MEI4: variants seen among roughly 807,000 people sequenced by gnomAD.
The protein encoded by MEI4 is meiosis-specific protein MEI4.
Under a neutral mutation model 31.4 loss-of-function variants are expected in MEI4, and 27 were observed. The observed-to-expected ratio is 0.86, with a 90% CI of 0.63 to 1.19. The LOEUF is 1.19. Among genes scored for constraint, MEI4 ranks in the 50% most tolerant of loss-of-function variants. The probability of loss-of-function intolerance (pLI) is 0.00; values close to 1 mark genes in which losing one functional copy is unlikely to be tolerated. For missense variants in MEI4, 329 were observed against 398.9 expected (o/e 0.82, Z 1.49); for synonymous variants, 122 against 145.4 (o/e 0.84, Z 1.16).
chr6:77,829,603 G>A (rs1191845733), intron 4 of MEI4, among the ~76,000 whole-genome samples: 1 of 152,100 alleles, frequency 6.6e-6, no homozygotes, highest in Non-Finnish European at 1.5e-5. Flanking sequence ...GAAGACCACT[G>A]CTCTAAGCCC....
chr6:77,894,245 TATG>T (rs35683542), intron 4 of MEI4, among the ~76,000 whole-genome samples: 21,497 of 152,088 alleles, frequency 0.14, 1,789 homozygotes, highest in East Asian at 0.39. Context: ...TTTTTAATAT[TATG>T]ATATTTCTTT....
At chr6:77,749,945 A>G (rs1255576842) in intron 2 of MEI4, among the ~76,000 whole-genome samples, 4 of 152,226 alleles carry the variant, frequency 2.6e-5, no homozygotes, top group Non-Finnish European at 4.4e-5. Context: ...ACAAGCCAGA[A>G]GAGAGTGGGG....
intron 4 of MEI4, among the ~76,000 whole-genome samples, chr6:77,858,113 C>G (rs1770784836): frequency 6.6e-6 from 1 of 152,096 alleles, no homozygotes; most frequent in African/African-American, 2.4e-5. Context: ...TAAAATTACA[C>G]AATAGTTTCA....
chr6:77,684,522 G>A (rs1204627893), intron 1 of MEI4, among the ~76,000 whole-genome samples: 1 of 151,762 alleles, frequency 6.6e-6, no homozygotes, highest in African/African-American at 2.4e-5. Context: ...GCAGCTTCTG[G>A]TAACCATCCT....
At chr6:77,693,758 T>G (rs1013544379) in intron 2 of MEI4, among the ~76,000 whole-genome samples, 1 of 152,096 alleles carries the variant, frequency 6.6e-6, no homozygotes, top group Non-Finnish European at 1.5e-5. Context: ...ATGGCAGTTA[T>G]GTAAGGATGA....
intron 2 of MEI4, among the ~76,000 whole-genome samples, chr6:77,731,214 C>G (rs866905636): frequency 3.4e-5 from 5 of 147,942 alleles, no homozygotes; most frequent in Admixed American, 6.8e-5. Flanking sequence ...CTGACTTCCA[C>G]AATGGTTGAA....
At chr6:77,754,284 AAAAC>A (rs949336438) in intron 2 of MEI4, among the ~76,000 whole-genome samples, 2 of 152,156 alleles carry the variant, frequency 1.3e-5, no homozygotes, top group Non-Finnish European at 2.9e-5. Flanking sequence ...AGTGAAGCTC[AAAAC>A]AAACAAACAA....
chr6:77,788,470 T>C lies in MEI4; in HGVS notation c.768+26805T>C, dbSNP rs531113032. ...AAAAGAGGAAGTCAGATTGTCCCTG[T>C]TTGCAGATTACTTGATTGTATATCT... On this transcript the variant is annotated intron_variant, in intron 3 of 4. Transcript: ENST00000684080. Among the ~76,000 whole-genome samples the C allele has an allele frequency of 3.9e-5, 6 of 152,294 alleles. No homozygotes were observed. In the South Asian group the frequency reaches 1.2e-3, roughly 32 times the overall value.
At chr6:77,891,502 C>G (rs1361011716) in intron 4 of MEI4, among the ~76,000 whole-genome samples, 2 of 152,048 alleles carry the variant, frequency 1.3e-5, no homozygotes, top group African/African-American at 4.8e-5. Context: ...GTCTGAATTT[C>G]TCTTTTAGAT....
intron 1 of MEI4, among the ~76,000 whole-genome samples, chr6:77,654,596 G>A (rs1213222873): frequency 2.7e-5 from 4 of 149,492 alleles, no homozygotes; most frequent in Non-Finnish European, 4.4e-5. Flanking sequence ...TACTACTACT[G>A]TTTATTTTTT....
At chr6:77,735,674 T>A (rs1040878321) in intron 2 of MEI4, among the ~76,000 whole-genome samples, 2 of 152,118 alleles carry the variant, frequency 1.3e-5, no homozygotes, top group African/African-American at 4.8e-5. Context: ...CCATTGCTGG[T>A]GAGGAGCTGC....
At chr6:77,661,011 G>C (rs1419327129) in intron 1 of MEI4, among the ~76,000 whole-genome samples, 2 of 152,190 alleles carry the variant, frequency 1.3e-5, no homozygotes, top group African/African-American at 2.4e-5. Context: ...AGGACTGGAA[G>C]ATAGTCGCCT....
At chr6:77,894,045 A>C (rs891379496) in intron 4 of MEI4, among the ~76,000 whole-genome samples, 1 of 152,158 alleles carries the variant, frequency 6.6e-6, no homozygotes, top group Non-Finnish European at 1.5e-5. Context: ...AGTGGAAAAA[A>C]ATTTCTCTAG....
chr6:77,685,281 AT>A (rs1769033375), intron 1 of MEI4, among the ~76,000 whole-genome samples: 1 of 133,666 alleles, frequency 7.5e-6, no homozygotes, highest in African/African-American at 2.8e-5. Flanking sequence ...GTTTGCAAAT[AT>A]TTATTTCCAT....
intron 4 of MEI4, among the ~76,000 whole-genome samples, chr6:77,846,087 A>C (rs960445882): frequency 1.3e-4 from 20 of 151,568 alleles, no homozygotes; most frequent in Admixed American, 9.9e-4. Flanking sequence ...ATAATTCTTG[A>C]GTTTATCTTC....
chr6:77,801,506 G>T (rs1180866412), intron 3 of MEI4, among the ~76,000 whole-genome samples: 6 of 151,840 alleles, frequency 4.0e-5, no homozygotes, highest in African/African-American at 9.7e-5. Flanking sequence ...GCTCTGATCT[G>T]AGTTATTTCT....
chr6:77,802,054 A>C (rs1029523656), intron 3 of MEI4, among the ~76,000 whole-genome samples: 5 of 152,076 alleles, frequency 3.3e-5, no homozygotes, highest in African/African-American at 9.7e-5. Context: ...TGATCTGTCT[A>C]ATGTTGACAG....
intron 4 of MEI4, among the ~76,000 whole-genome samples, chr6:77,829,502 A>G (rs1300061254): frequency 6.6e-6 from 1 of 152,176 alleles, no homozygotes; most frequent in Non-Finnish European, 1.5e-5. Flanking sequence ...TCATATGCCA[A>G]TCCTATTATT....
At chr6:77,827,258 G>C (rs1769976680) in intron 3 of MEI4, among the ~76,000 whole-genome samples, 1 of 150,850 alleles carries the variant, frequency 6.6e-6, no homozygotes, top group African/African-American at 2.4e-5. Context: ...TACATTGGGA[G>C]GCTGAGGCAG....
Sources: gnomAD v4.1 joint callset for allele counts (sites outside exome capture counted in the v4.1 genomes callset) on GRCh38, gnomAD v4.1.1 for gene constraint, MANE v1.5 for transcripts, NCBI Gene and HGNC (gene_info 2026-07-23, HGNC 2026-07-21) for gene names.